Variants in ABLIM3 observed in about 807,000 individuals in gnomAD.
The protein encoded by ABLIM3 is actin binding LIM protein family member 3.
A neutral mutation model predicts 109.5 loss-of-function variants in ABLIM3; 61 were observed. The ratio of observed to expected loss-of-function variants is 0.56; its 90% confidence interval spans 0.45 to 0.69. The LOEUF (loss-of-function observed/expected upper bound fraction) is 0.69. ABLIM3 is among the 30% of genes least tolerant of loss of function. The pLI, the probability that ABLIM3 is intolerant of heterozygous loss-of-function variation, is 0.00. For missense variants in ABLIM3, 796 were observed against 889.5 expected, an observed-to-expected ratio of 0.89 and a Z score of 1.34; for synonymous variants, 300 against 324.8, an observed-to-expected ratio of 0.92 and a Z score of 0.82.
intron 2 of ABLIM3, among the ~76,000 whole-genome samples, chr5:149,152,302 C>T (rs890172931): frequency 6.6e-6 from 1 of 152,148 alleles, no homozygotes; most frequent in Admixed American, 6.5e-5. Context: ...CATAAAACAT[C>T]AAATATGTAG....
chr5:149,189,461 A>G (rs1349808902), intron 3 of ABLIM3, among the ~76,000 whole-genome samples: 1 of 152,260 alleles, frequency 6.6e-6, no homozygotes, highest in East Asian at 1.9e-4. Context: ...ATAAATCTGA[A>G]AAAATATTTG....
chr5:149,248,219 G>A (rs1459208946), intron 18 of ABLIM3, among the ~76,000 whole-genome samples: 1 of 152,184 alleles, frequency 6.6e-6, no homozygotes, highest in East Asian at 1.9e-4. Flanking sequence ...AGAAGAGGCT[G>A]GCCACAAAGG....
In ABLIM3 at chr5:149,249,859, C is replaced by T. The variant is rs1581243520; in HGVS notation, c.1729+15C>T. On this transcript the variant is annotated intron_variant, in intron 19 of 23. Coordinates refer to ENST00000309868, the MANE Select transcript of ABLIM3 (RefSeq NM_014945.5). ...GGCTGACAGTGGTAAGTTCTACCTG[C>T]CCTACCTTCAGCCCATCATGTCCCA... 3.7e-6 allele frequency: 6 copies of T among 1,614,168 alleles called. No homozygotes were observed. In the African/African-American group the frequency reaches 5.3e-5, roughly 14 times the overall value.
intron 2 of ABLIM3, among the ~76,000 whole-genome samples, chr5:149,154,087 T>G (rs191070468): frequency 3.2e-4 from 48 of 152,358 alleles, no homozygotes; most frequent in African/African-American, 9.4e-4. Flanking sequence ...TGCAATAGTC[T>G]AATGACACAG....
chr5:149,225,976 G>GTATATA (rs1761185076), intron 8 of ABLIM3, among the ~76,000 whole-genome samples: 1 of 38,538 alleles, frequency 2.6e-5, no homozygotes, highest in Non-Finnish European at 6.2e-5. Flanking sequence ...GTGTGTGTGT[G>GTATATA]TGTGTGTATA....
chr5:149,251,509 A>G (rs1753926601), intron 21 of ABLIM3, 90 bp downstream of exon 21: 1 of 1,456,688 alleles, frequency 6.9e-7, no homozygotes. Context: ...AATGATGGCT[A>G]CAGATTCTGT....
intron 2 of ABLIM3, among the ~76,000 whole-genome samples, chr5:149,182,444 T>C (rs775054748): frequency 1.3e-5 from 2 of 152,198 alleles, no homozygotes; most frequent in Non-Finnish European, 2.9e-5. Context: ...TGTTTCTCAG[T>C]GGCAAAGTTA....
intron 2 of ABLIM3, among the ~76,000 whole-genome samples, chr5:149,180,237 A>G (rs1353675944): frequency 6.6e-6 from 1 of 152,218 alleles, no homozygotes; most frequent in African/African-American, 2.4e-5. Flanking sequence ...AAATCATGTG[A>G]CTGAAACTTT....
chr5:149,246,408 T>TA (rs1223686025), intron 16 of ABLIM3, 74 bp from the exon 17 acceptor site: 576 of 1,406,630 alleles, frequency 4.1e-4, no homozygotes, highest in Admixed American at 1.8e-3. Context: ...CTTTTCTTTT[T>TA]TAAAAAAAAA....
intron 5 of ABLIM3, 111 bp from the exon 6 acceptor site, chr5:149,206,897 C>G: frequency 1.4e-6 from 2 of 1,431,850 alleles, no homozygotes; most frequent in Non-Finnish European, 1.9e-6. Context: ...CAGGTGGGAG[C>G]AACTATGGGA....
intron 23 of ABLIM3, among the ~76,000 whole-genome samples, chr5:149,253,613 A>T (rs187787437): frequency 6.6e-6 from 1 of 152,332 alleles, no homozygotes; most frequent in Admixed American, 6.5e-5. Context: ...AAAAGGAAGG[A>T]TGTAGACGGA....
At chr5:149,169,371 C>T (rs1355303358) in intron 2 of ABLIM3, among the ~76,000 whole-genome samples, 1 of 152,068 alleles carries the variant, frequency 6.6e-6, no homozygotes, top group Non-Finnish European at 1.5e-5. Flanking sequence ...ATCATGGACT[C>T]CAGGGCTGCA....
Position 149,198,025 on chromosome 5 carries a change from AG to A in ABLIM3, c.152-193del. Among the ~76,000 whole-genome samples the A allele has an allele frequency of 1.6e-5, 1 of 63,088 alleles. No homozygotes were observed. Among genetic ancestry groups the A allele is most frequent in the African/African-American group, 7.0e-5 (1 of 14,250 alleles). The allele number at this position is 63,088 out of a possible 152,430, so 41.4% of individuals were successfully genotyped here. On this transcript the variant is annotated intron_variant, in intron 3 of 23. Transcript: ENST00000309868. This position sits in a 1 kb window ranked among gnomAD's most constrained non-coding sequence, Gnocchi z 4.2. The stretch of plus-strand genomic sequence containing the variant: ...GAATACTGGCCCCAAAGGCCTGTGA[AG>A]TCTGACATGCTACCATTCTGTGGCC...
chr5:149,180,553 G>A (rs1756368121), intron 2 of ABLIM3, among the ~76,000 whole-genome samples: 1 of 152,182 alleles, frequency 6.6e-6, no homozygotes, highest in Non-Finnish European at 1.5e-5. Flanking sequence ...ACACCTGTGA[G>A]CTCAAATCTT....
intron 2 of ABLIM3, among the ~76,000 whole-genome samples, chr5:149,149,143 A>G (rs1753192082): frequency 6.6e-6 from 1 of 152,252 alleles, no homozygotes; most frequent in African/African-American, 2.4e-5. Context: ...TGGGACAGCA[A>G]GAACCTGAGC....
chr5:149,168,685 T>C (rs1755062051), intron 2 of ABLIM3, among the ~76,000 whole-genome samples: 1 of 152,216 alleles, frequency 6.6e-6, no homozygotes, highest in Non-Finnish European at 1.5e-5. Context: ...TTTTAAACAT[T>C]TGTGAAAGTT....
chr5:149,200,301 T>C lies in ABLIM3; in HGVS notation c.336-15T>C, dbSNP rs779636155. The C allele has an allele frequency of 1.2e-6, 2 of 1,612,148 alleles. No homozygotes were observed. Reference sequence around the variant, plus strand: ...GAAGAGGGTGTGTTGAATTTCTCCCTCATCCCACTTGCAGGAAGCCTTTCC... The same window carrying C: ...GAAGAGGGTGTGTTGAATTTCTCCCCCATCCCACTTGCAGGAAGCCTTTCC... On this transcript the variant is annotated splice_polypyrimidine_tract_variant and intron_variant, in intron 4 of 23. Coordinates refer to ENST00000309868, the MANE Select transcript of ABLIM3 (RefSeq NM_014945.5).
At chr5:149,211,681 A>G (rs1433473350) in intron 7 of ABLIM3, among the ~76,000 whole-genome samples, 1 of 150,902 alleles carries the variant, frequency 6.6e-6, no homozygotes, top group Non-Finnish European at 1.5e-5. Flanking sequence ...TGTGGTTACC[A>G]TGAGTGCTTT....
At chr5:149,214,151 T>C (rs948750612) in intron 7 of ABLIM3, among the ~76,000 whole-genome samples, 6 of 152,248 alleles carry the variant, frequency 3.9e-5, no homozygotes, top group African/African-American at 9.6e-5. Context: ...CAGACAATAC[T>C]ACTGTCATTT....
Sources: gnomAD v4.1 joint callset for allele counts (sites outside exome capture counted in the v4.1 genomes callset) on GRCh38, gnomAD v4.1.1 for gene constraint, Gnocchi (gnomAD v3.1) non-coding constraint, MANE v1.5 for transcripts, NCBI Gene and HGNC (gene_info 2026-07-23, HGNC 2026-07-21) for gene names.